The following METAP1 variants were observed in gnomAD, a reference collection of about 807,000 sequenced individuals.
METAP1 encodes the protein methionyl aminopeptidase 1.
Under a neutral mutation model 53.8 loss-of-function variants are expected in METAP1, and 28 were observed. The observed-to-expected ratio is 0.52, with a 90% CI of 0.39 to 0.71. The LOEUF is 0.71. Among genes scored for constraint, METAP1 ranks in the 30% least tolerant of loss-of-function variants. The probability of loss-of-function intolerance (pLI) is 0.00; values close to 1 mark genes in which losing one functional copy is unlikely to be tolerated. For synonymous variants in METAP1, 181 were observed against 165.7 expected (o/e 1.09, Z -0.71); for missense variants, 389 against 479.8 (o/e 0.81, Z 1.77).
intron 1 of METAP1, among the ~76,000 whole-genome samples, chr4:99,002,514 A>G (rs538335819): frequency 1.2e-4 from 19 of 152,036 alleles, no homozygotes; most frequent in Non-Finnish European, 2.4e-4. Flanking sequence ...CTTGATTGGT[A>G]TCAGTCTTGT....
chr4:99,038,528 G>A (rs529821911), intron 4 of METAP1, among the ~76,000 whole-genome samples: 1 of 152,122 alleles, frequency 6.6e-6, no homozygotes, highest in African/African-American at 2.4e-5. Context: ...AATCTCACTT[G>A]CATCCTGATG....
intron 1 of METAP1, among the ~76,000 whole-genome samples, chr4:99,011,781 A>C (rs1723482336): frequency 6.6e-6 from 1 of 152,166 alleles, no homozygotes; most frequent in East Asian, 1.9e-4. Context: ...TCTCTACTAA[A>C]AATACAAAAT....
In METAP1 at chr4:99,028,850, C is replaced by CT; in HGVS notation, c.115-11dup. 1 of 1,521,774 alleles carries CT rather than the reference C, an allele frequency of 6.6e-7. No individual in the cohort carries two copies. The highest frequency in any genetic ancestry group is 8.9e-7 in the Non-Finnish European group (1 of 1,127,000). The allele number at this position is 1,521,774 out of a possible 1,614,324, so 94.3% of individuals were successfully genotyped here. ...TAAGGAAGGCCTGACACTAATTTTC[C>CT]TTTTTTGTTCTTTTAGGAATGTTTT... On this transcript the variant is annotated splice_polypyrimidine_tract_variant and intron_variant, in intron 1 of 10. Transcript: ENST00000296411.
intron 8 of METAP1, among the ~76,000 whole-genome samples, chr4:99,048,087 A>G (rs1726403355): frequency 6.6e-6 from 1 of 152,236 alleles, no homozygotes; most frequent in Admixed American, 6.5e-5. Context: ...TCATATTAAT[A>G]GAATGGAACA....
chr4:99,007,287 A>G (rs774528487), intron 1 of METAP1, among the ~76,000 whole-genome samples: 7 of 152,048 alleles, frequency 4.6e-5, no homozygotes, highest in Non-Finnish European at 7.4e-5. Context: ...CTCATAGGTG[A>G]TGTTATCCAC....
intron 10 of METAP1, among the ~76,000 whole-genome samples, chr4:99,060,817 TTTGATACATATA>T (rs1385691937): frequency 6.6e-6 from 1 of 152,214 alleles, no homozygotes; most frequent in East Asian, 1.9e-4. Context: ...ATAGTGATGC[TTTGATACATATA>T]ATGATACATA....
chr4:99,032,241 T>G (rs74486900), intron 2 of METAP1, among the ~76,000 whole-genome samples: 4,941 of 152,142 alleles, frequency 0.032, 79 homozygotes, highest in African/African-American at 0.038. Flanking sequence ...GTTTTGTTTT[T>G]TTTTGAGACA....
intron 1 of METAP1, among the ~76,000 whole-genome samples, chr4:99,013,440 G>A (rs17028370): frequency 0.029 from 4,441 of 152,266 alleles, 61 homozygotes; most frequent in Non-Finnish European, 0.035. Flanking sequence ...TTGGGCATGG[G>A]AGTTTGATCT....
chr4:98,996,146 C>A (rs2110265369), intron 1 of METAP1, among the ~76,000 whole-genome samples: 1 of 152,184 alleles, frequency 6.6e-6, no homozygotes, highest in South Asian at 2.1e-4. Context: ...GTCGCGTGGC[C>A]GCGCTAGACC....
At chr4:99,028,730 C>G in intron 1 of METAP1, 137 bp from the exon 2 acceptor site, 1 of 526,984 alleles carries the variant, frequency 1.9e-6, no homozygotes, top group Non-Finnish European at 3.3e-6. Context: ...AAGCTTTTCC[C>G]AAATATTTAA....
intron 1 of METAP1, among the ~76,000 whole-genome samples, chr4:99,004,809 C>T (rs1447283610): frequency 6.6e-6 from 1 of 151,992 alleles, no homozygotes; most frequent in African/African-American, 2.4e-5. Context: ...TTTTGTTTGT[C>T]ATTATGTTCC....
chr4:99,037,438 T>C (rs2110354932), intron 4 of METAP1, among the ~76,000 whole-genome samples: 1 of 152,124 alleles, frequency 6.6e-6, no homozygotes. Flanking sequence ...TTTCAGTCTT[T>C]TTTATGTATG....
chr4:98,997,643 A>G (rs1471700429), intron 1 of METAP1, among the ~76,000 whole-genome samples: 2 of 152,186 alleles, frequency 1.3e-5, no homozygotes, highest in Non-Finnish European at 2.9e-5. Flanking sequence ...AACCACATTC[A>G]TGAAACAGGT....
At position 99,034,004 on chromosome 4, in the gene METAP1, T is replaced by G. The variant is rs114286996; in HGVS notation, c.167-226T>G. ...ATGGAGTTTTTTCTTCCAAGACCTT[T>G]AGATCTTCAAAAAGGAGTTATAAGG... On this transcript the variant is annotated intron_variant, in intron 2 of 10. Coordinates refer to ENST00000296411, the MANE Select transcript of METAP1 (RefSeq NM_015143.3). Among the ~76,000 whole-genome samples the G allele has an allele frequency of 2.0e-3, 298 of 152,340 alleles. 1 individual carries two copies. The highest frequency in any genetic ancestry group is 7.0e-3 in the African/African-American group (291 of 41,588).
At chr4:98,997,064 T>C (rs1722668114) in intron 1 of METAP1, among the ~76,000 whole-genome samples, 1 of 152,242 alleles carries the variant, frequency 6.6e-6, no homozygotes, top group African/African-American at 2.4e-5. Context: ...AATGCTGTTA[T>C]AATGTAAAGT....
chr4:99,027,329 A>G (rs980935845), intron 1 of METAP1, among the ~76,000 whole-genome samples: 1 of 151,066 alleles, frequency 6.6e-6, no homozygotes, highest in Non-Finnish European at 1.5e-5. Flanking sequence ...TTAGGGGAAA[A>G]GGAGATGGGG....
chr4:99,021,368 T>C (rs1724096984), intron 1 of METAP1, among the ~76,000 whole-genome samples: 1 of 152,162 alleles, frequency 6.6e-6, no homozygotes, highest in African/African-American at 2.4e-5. Flanking sequence ...CCTGCATTGC[T>C]GAGAATCCAG....
At chr4:99,031,516 T>C (rs1468663125) in intron 2 of METAP1, 8 of 1,288,196 alleles carry the variant, frequency 6.2e-6, no homozygotes, top group Non-Finnish European at 8.1e-6. Context: ...AGAGAGAAGG[T>C]GTTATGTAAT....
chr4:99,060,540 T>G (rs1425903215), intron 10 of METAP1, among the ~76,000 whole-genome samples: 3 of 151,940 alleles, frequency 2.0e-5, no homozygotes, highest in Non-Finnish European at 4.4e-5. Context: ...ATTTTTTGTA[T>G]TTTTAGTAGA....
Sources: gnomAD v4.1 joint callset for allele counts (sites outside exome capture counted in the v4.1 genomes callset) on GRCh38, gnomAD v4.1.1 for gene constraint, MANE v1.5 for transcripts, NCBI Gene and HGNC (gene_info 2026-07-23, HGNC 2026-07-21) for gene names.